Variants in NUDC observed in about 807,000 individuals in gnomAD.
NUDC encodes the protein nuclear distribution C, dynein complex regulator.
Under a neutral mutation model 45.0 loss-of-function variants are expected in NUDC, and 14 were observed. The observed-to-expected ratio is 0.31, with a 90% CI of 0.21 to 0.49. The LOEUF (loss-of-function observed/expected upper bound fraction) is 0.49, where lower values mean the gene tolerates loss of function less well. NUDC is among the 20% of genes least tolerant of loss of function. The pLI is 0.99. For synonymous variants in NUDC, 153 were observed against 156.7 expected (o/e 0.98, Z 0.17); for missense variants, 323 against 426.2 (o/e 0.76, Z 2.13).
chr1:26,911,831 T>A, intron 3 of NUDC: 1 of 1,614,130 alleles, frequency 6.2e-7, no homozygotes, highest in South Asian at 1.1e-5. Context: ...GATCTCTGCC[T>A]GGGCTGGAAC....
In NUDC at chr1:26,915,058, C is replaced by CATATATATATATATATATATATAT. The variant is rs67296768; in HGVS notation, c.93+3841_93+3842insATATATATATATATATATATATAT. ...ATATATATATACACATACATACATACATATATATATATATATATGTATATA... is the reference window on the plus strand; with the variant it reads ...ATATATATATACACATACATACATACATATATATATATATATATATATATATATATATATATATATATGTATATA... On this transcript the variant is annotated intron_variant, in intron 3 of 6. Transcript: ENST00000435827. 6.5e-4 allele frequency among the ~76,000 whole-genome samples: 91 copies of CATATATATATATATATATATATAT among 140,516 alleles called. 1 individual carries two copies. Among genetic ancestry groups the CATATATATATATATATATATATAT allele is most frequent in the African/African-American group, 1.4e-3 (53 of 37,988 alleles). The allele number at this position is 140,516 out of a possible 152,430, so 92.2% of individuals were successfully genotyped here.
At chr1:26,906,178 G>A (rs961864389) in intron 2 of NUDC, among the ~76,000 whole-genome samples, 4 of 151,618 alleles carry the variant, frequency 2.6e-5, no homozygotes, top group African/African-American at 9.7e-5. Context: ...TACTTGGGAG[G>A]TTGGGCAGGA....
intron 2 of NUDC, among the ~76,000 whole-genome samples, chr1:26,903,172 A>C (rs1401727050): frequency 1.3e-5 from 2 of 152,184 alleles, no homozygotes; most frequent in Non-Finnish European, 2.9e-5. Flanking sequence ...GGCTTTTTGT[A>C]CTAATAATCT....
intron 2 of NUDC, 57 bp from the exon 3 acceptor site, chr1:26,941,400 A>C: frequency 6.3e-7 from 1 of 1,578,516 alleles, no homozygotes; most frequent in Non-Finnish European, 8.6e-7. Flanking sequence ...GCTGGACTCC[A>C]GGCTGTGGGA....
intron 1 of NUDC, among the ~76,000 whole-genome samples, chr1:26,923,275 G>C (rs10449774): frequency 0.013 from 2,002 of 152,212 alleles, 43 homozygotes; most frequent in African/African-American, 0.045. Flanking sequence ...ATCCTCACCA[G>C]GTCCCTAGAA....
At chr1:26,935,882 C>G (rs1046153581) in intron 2 of NUDC, among the ~76,000 whole-genome samples, 4 of 148,846 alleles carry the variant, frequency 2.7e-5, no homozygotes, top group Non-Finnish European at 6.0e-5. Context: ...AATCACAGCA[C>G]TTTGGGAGGC....
rs773865076 is a variant in NUDC at position 26,941,584 on chromosome 1, A to C, written c.287A>C (p.Lys96Thr). The C allele has an allele frequency of 2.4e-5, 39 of 1,612,316 alleles. No homozygotes were observed. Among genetic ancestry groups the C allele is most frequent in the South Asian group, 4.4e-5 (4 of 90,818 alleles). ...GCGGCCAGACTGGCCAAGGAAGCCA[A>C]GTCAGAGACCTCAGGGCCCCAGATC... ...ERAARLAKEA[K>T]SETSGPQIKE... Residue 96 changes from lysine to threonine, a missense_variant, in exon 3 of 9, where the codon AAG (lysine) becomes ACG (threonine). Lys to Thr is a moderately conservative substitution (Grantham distance 78, BLOSUM62 -1). This residue lies in a region of NUDC where 245 missense variants were observed against 278.8 expected (regional missense o/e 0.88). Coordinates refer to ENST00000321265, the MANE Select transcript of NUDC (RefSeq NM_006600.4).
intron 3 of NUDC, among the ~76,000 whole-genome samples, chr1:26,912,751 A>C (rs1162379587): frequency 1.3e-5 from 2 of 152,050 alleles, no homozygotes; most frequent in African/African-American, 2.4e-5. Context: ...TTAGCTCTAG[A>C]GCTTCACCAT....
chr1:26,925,906 G>C (rs1229064195), intron 2 of NUDC, among the ~76,000 whole-genome samples: 1 of 151,604 alleles, frequency 6.6e-6, no homozygotes, highest in Non-Finnish European at 1.5e-5. Flanking sequence ...ATTTTTAGTA[G>C]AGATGGGGTT....
At chr1:26,901,789 G>A (rs1484609379) in intron 1 of NUDC, among the ~76,000 whole-genome samples, 1 of 152,030 alleles carries the variant, frequency 6.6e-6, no homozygotes, top group Non-Finnish European at 1.5e-5. Context: ...CATTATACTG[G>A]GTGATAGGAG....
At chr1:26,922,069 C>G (rs1486146411) in intron 1 of NUDC, 140 bp downstream of exon 1, 4 of 871,496 alleles carry the variant, frequency 4.6e-6, no homozygotes, top group Middle Eastern at 2.8e-4. Context: ...CGCCCAGCTT[C>G]CGGCCTGGCC....
rs981448496 is a variant in NUDC, at chr1:26,943,120, A to C, written c.741+55A>C. 8.2e-6 allele frequency: 13 copies of C among 1,577,292 alleles called. No individual in the cohort carries two copies. The African/African-American group carries it at 1.6e-4, about 20-fold the overall frequency. On this transcript the variant is annotated intron_variant, in intron 6 of 8. Transcript: ENST00000321265. The stretch of plus-strand genomic sequence containing the variant: ...GGTGTTGATGGAAGTAGAAGGGAGG[A>C]TGTGTGCTTAGTTTACTCAGGAGCC...
intron 3 of NUDC, chr1:26,912,008 T>C (rs1002708800): frequency 1.2e-6 from 2 of 1,614,180 alleles, no homozygotes; most frequent in African/African-American, 2.7e-5. Context: ...GCACCAGGGT[T>C]CCAGGACTTC....
chr1:26,917,551 G>A (rs1486664201), upstream of NUDC, among the ~76,000 whole-genome samples: 4 of 151,800 alleles, frequency 2.6e-5, no homozygotes, highest in Admixed American at 1.3e-4. Flanking sequence ...GAGACACAGT[G>A]AGACTCTTTC....
chr1:26,921,298 A>G (rs1181207623), upstream of NUDC, among the ~76,000 whole-genome samples: 2 of 152,114 alleles, frequency 1.3e-5, no homozygotes, highest in African/African-American at 4.8e-5. Context: ...TGCAATTTGT[A>G]CTCCCATGAA....
chr1:26,900,370 G>A, exon 1 of NUDC: 1 of 1,613,972 alleles, frequency 6.2e-7, no homozygotes, highest in Non-Finnish European at 8.5e-7. Flanking sequence ...TGGGCCGAGC[G>A]CAACACGGAG....
chr1:26,904,763 A>G (rs2081995302), intron 2 of NUDC, among the ~76,000 whole-genome samples: 1 of 152,066 alleles, frequency 6.6e-6, no homozygotes, highest in Non-Finnish European at 1.5e-5. Context: ...AACCCCCCTT[A>G]GCTCTTATGG....
At chr1:26,941,903 C>A in intron 4 of NUDC, 85 bp downstream of exon 4, 1 of 1,243,530 alleles carries the variant, frequency 8.0e-7, no homozygotes, top group South Asian at 1.3e-5. Flanking sequence ...TCTGGAATAC[C>A]CTTCCTTATC....
At chr1:26,913,740 C>T in intron 3 of NUDC, 3 of 1,602,920 alleles carry the variant, frequency 1.9e-6, no homozygotes, top group Non-Finnish European at 2.6e-6. Context: ...TGAGGAAGGC[C>T]ACTGTCTTGG....
Sources: allele counts gnomAD v4.1 joint callset (sites outside exome capture counted in the v4.1 genomes callset), GRCh38; gene constraint gnomAD v4.1.1; regional missense constraint gnomAD v4.1.1; transcripts MANE v1.5; gene names NCBI Gene and HGNC (gene_info 2026-07-23, HGNC 2026-07-21).